Variants in TESK2 observed in about 807,000 individuals in gnomAD.
TESK2 encodes dual specificity testis-specific protein kinase 2.
In TESK2, 39 loss-of-function variants were observed where a neutral mutation model predicts 57.1. That is an observed-to-expected ratio of 0.68 (90% CI 0.53 to 0.89). The LOEUF (loss-of-function observed/expected upper bound fraction) is 0.89, where lower values mean the gene tolerates loss of function less well. Among genes scored for constraint, TESK2 ranks in the 40% least tolerant of loss-of-function variants. The pLI is 0.00. For synonymous variants in TESK2, 249 were observed against 267.9 expected, an observed-to-expected ratio of 0.93 and a Z score of 0.69; for missense variants, 646 against 732.1, an observed-to-expected ratio of 0.88 and a Z score of 1.36.
intron 1 of TESK2, among the ~76,000 whole-genome samples, chr1:45,472,553 C>A (rs1652810710): frequency 8.4e-6 from 1 of 119,274 alleles, no homozygotes. Context: ...AGCAAAACTC[C>A]ATCTCAAAAA....
intron 3 of TESK2, among the ~76,000 whole-genome samples, chr1:45,404,167 C>T (rs1649740775): frequency 6.6e-6 from 1 of 152,156 alleles, no homozygotes; most frequent in Non-Finnish European, 1.5e-5. Context: ...TGAAACAATA[C>T]TCTCACAATG....
intron 5 of TESK2, among the ~76,000 whole-genome samples, chr1:45,353,053 C>G (rs1389653644): frequency 6.6e-6 from 1 of 152,136 alleles, no homozygotes; most frequent in Non-Finnish European, 1.5e-5. Flanking sequence ...CACCTGCCAT[C>G]ATGCCCGGCT....
chr1:45,345,868 ATC>A lies in TESK2; in HGVS notation c.997+7_997+8del, dbSNP rs758695163. 4 of 1,611,374 alleles carry A rather than the reference ATC, an allele frequency of 2.5e-6. No individual in the cohort carries two copies. The highest frequency in any genetic ancestry group is 2.5e-6 in the Non-Finnish European group (3 of 1,177,928). On this transcript the variant is annotated splice_region_variant and intron_variant, in intron 10 of 10. Transcript: ENST00000372086. Reference sequence around the variant, plus strand: ...GGGTTAGGTTGGGCTCCCTGGTCTAATCTCTTACCCCTGGCTGTGGGCTGCAG... The same window carrying A: ...GGGTTAGGTTGGGCTCCCTGGTCTAATCTTACCCCTGGCTGTGGGCTGCAG...
intron 1 of TESK2, among the ~76,000 whole-genome samples, chr1:45,482,285 G>C (rs1239586180): frequency 6.6e-6 from 1 of 152,138 alleles, no homozygotes; most frequent in Non-Finnish European, 1.5e-5. Context: ...TCAGGACTTT[G>C]GGAGGCTGAA....
chr1:45,423,509 A>G (rs1479259862), intron 2 of TESK2, among the ~76,000 whole-genome samples: 1 of 150,698 alleles, frequency 6.6e-6, no homozygotes, highest in Non-Finnish European at 1.5e-5. Flanking sequence ...GTGAGTGGAG[A>G]TTGTGCCACT....
chr1:45,437,152 T>C (rs1351504378), intron 2 of TESK2, among the ~76,000 whole-genome samples: 2 of 152,204 alleles, frequency 1.3e-5, no homozygotes. Context: ...TTGGGTAGCA[T>C]GGTCGTTTTA....
intron 4 of TESK2, among the ~76,000 whole-genome samples, chr1:45,359,238 G>A (rs1647571415): frequency 2.0e-5 from 3 of 152,174 alleles, no homozygotes; most frequent in African/African-American, 7.2e-5. Context: ...CACCTAATTT[G>A]CAGTGTTGTT....
intron 2 of TESK2, among the ~76,000 whole-genome samples, chr1:45,424,602 T>G (rs1650612511): frequency 6.6e-6 from 1 of 152,222 alleles, no homozygotes; most frequent in South Asian, 2.1e-4. Flanking sequence ...AGAAGACATC[T>G]GTGTTTTAAT....
At chr1:45,406,536 T>A (rs1260209347) in intron 3 of TESK2, among the ~76,000 whole-genome samples, 9 of 152,076 alleles carry the variant, frequency 5.9e-5, no homozygotes, top group Non-Finnish European at 1.2e-4. Context: ...ACACCTGTAG[T>A]ACCAGCTGTT....
At chr1:45,370,309 C>A (rs1400416847) in intron 4 of TESK2, among the ~76,000 whole-genome samples, 5 of 152,154 alleles carry the variant, frequency 3.3e-5, no homozygotes, top group African/African-American at 1.2e-4. Flanking sequence ...CAGATATCTG[C>A]ATCTCACCTA....
At position 45,365,554 on chromosome 1, in the gene TESK2, C is replaced by T. The variant is rs1033231529; in HGVS notation, c.394-10105G>A. Among the ~76,000 whole-genome samples, 10 of 152,100 alleles carry T rather than the reference C, an allele frequency of 6.6e-5. No homozygotes were observed. The South Asian group carries it at 1.5e-3, about 22-fold the overall frequency. ...TTTTGAGATAAAGTTTCCCTCGTTG[C>T]CCAGGCTGGAGCACAATGGCATGAT... is the stretch of plus-strand genomic sequence containing the variant. On this transcript the variant is annotated intron_variant, in intron 4 of 10. Coordinates refer to ENST00000372086, the MANE Select transcript of TESK2 (RefSeq NM_007170.3).
intron 4 of TESK2, among the ~76,000 whole-genome samples, chr1:45,370,958 G>A (rs1471453257): frequency 6.6e-6 from 1 of 152,010 alleles, no homozygotes; most frequent in Non-Finnish European, 1.5e-5. Context: ...CCAATGTAAT[G>A]GAATAGAGAG....
chr1:45,447,193 G>A (rs1651679296), intron 2 of TESK2, among the ~76,000 whole-genome samples: 2 of 152,140 alleles, frequency 1.3e-5, no homozygotes, highest in African/African-American at 4.8e-5. Flanking sequence ...CTCCAGACTA[G>A]GTGACTGAGT....
rs1647113476 is a variant in TESK2, at chr1:45,344,779, A to G, written c.*61T>C. ...AGGGAAGAATCAAGGCTGTGCACCT[A>G]GGGGGCCATATGGTTTCAGCTGAAG... On this transcript the variant is annotated 3_prime_UTR_variant, in exon 11 of 11. Transcript: ENST00000372086. The G allele has an allele frequency of 2.1e-6, 3 of 1,451,490 alleles. No homozygotes were observed. The highest frequency in any genetic ancestry group is 2.5e-5 in the South Asian group (2 of 78,450). The allele number at this position is 1,451,490 out of a possible 1,614,324, so 89.9% of individuals were successfully genotyped here.
At chr1:45,406,363 C>A (rs1002958722) in intron 3 of TESK2, among the ~76,000 whole-genome samples, 2 of 152,100 alleles carry the variant, frequency 1.3e-5, no homozygotes, top group African/African-American at 2.4e-5. Flanking sequence ...AACTCAAAGT[C>A]TCCAGGGTGT....
chr1:45,460,076 G>A (rs1652269293), intron 1 of TESK2, among the ~76,000 whole-genome samples: 1 of 151,988 alleles, frequency 6.6e-6, no homozygotes, highest in African/African-American at 2.4e-5. Flanking sequence ...GAGACAGGCA[G>A]GGGCTGAAAA....
intron 4 of TESK2, among the ~76,000 whole-genome samples, chr1:45,365,278 C>T (rs28472700): frequency 0.069 from 10,478 of 152,120 alleles, 1,256 homozygotes; most frequent in African/African-American, 0.24. Flanking sequence ...ATTTGCCTAC[C>T]GCTCCAGGAG....
At chr1:45,457,328 G>A (rs1652149473) in intron 2 of TESK2, among the ~76,000 whole-genome samples, 1 of 152,140 alleles carries the variant, frequency 6.6e-6, no homozygotes, top group Non-Finnish European at 1.5e-5. Flanking sequence ...GGGTAGAGGT[G>A]AGGTGGAAGA....
chr1:45,486,872 G>A (rs1653504579), intron 1 of TESK2, among the ~76,000 whole-genome samples: 1 of 148,322 alleles, frequency 6.7e-6, no homozygotes, highest in South Asian at 2.1e-4. Flanking sequence ...GCCCAGGCTG[G>A]AGTGCAGTGG....
Sources: allele counts gnomAD v4.1 joint callset (sites outside exome capture counted in the v4.1 genomes callset), GRCh38; gene constraint gnomAD v4.1.1; transcripts MANE v1.5; gene names NCBI Gene and HGNC (gene_info 2026-07-23, HGNC 2026-07-21).